The following NOS1AP variants were observed in gnomAD, a reference collection of about 807,000 sequenced individuals.
The protein encoded by NOS1AP is carboxyl-terminal PDZ ligand of neuronal nitric oxide synthase protein.
A neutral mutation model predicts 56.2 loss-of-function variants in NOS1AP; 21 were observed. The ratio of observed to expected loss-of-function variants is 0.37; its 90% CI spans 0.26 to 0.54. The LOEUF (loss-of-function observed/expected upper bound fraction) is 0.54. Ranked by LOEUF, NOS1AP falls within the 20% of genes least tolerant of loss-of-function variation. NOS1AP has a pLI of 0.84. For missense variants in NOS1AP, 522 were observed against 657.8 expected (o/e 0.79, Z 2.26); for synonymous variants, 270 against 274.6 (o/e 0.98, Z 0.17).
At chr1:162,081,774 A>ATTTTTTTTT (rs59767273) in intron 1 of NOS1AP, among the ~76,000 whole-genome samples, 34 of 44,044 alleles carry the variant, frequency 7.7e-4, no homozygotes, top group African/African-American at 2.5e-3. Flanking sequence ...ATATATATAT[A>ATTTTTTTTT]TTTTTTTTTT....
chr1:162,364,157 T>G, intron 8 of NOS1AP: 1 of 985,458 alleles, frequency 1.0e-6, no homozygotes, highest in Non-Finnish European at 1.2e-6. Context: ...ATTTGAGCAC[T>G]TGTTTTCTGA....
intron 4 of NOS1AP, among the ~76,000 whole-genome samples, chr1:162,325,539 G>A (rs1656557828): frequency 6.6e-6 from 1 of 151,956 alleles, no homozygotes; most frequent in Non-Finnish European, 1.5e-5. Context: ...TAACACATTG[G>A]GCCCCCCAGA....
At chr1:162,206,508 C>G (rs1652170082) in intron 2 of NOS1AP, among the ~76,000 whole-genome samples, 1 of 152,212 alleles carries the variant, frequency 6.6e-6, no homozygotes. Flanking sequence ...TAGAGACAGT[C>G]TGTCCTGAAA....
At chr1:162,330,501 C>T (rs527848620) in intron 4 of NOS1AP, among the ~76,000 whole-genome samples, 70 of 152,304 alleles carry the variant, frequency 4.6e-4, no homozygotes, top group Non-Finnish European at 8.8e-4. Context: ...CAAAGGTGTT[C>T]ACAGCAGTTG....
At chr1:162,285,276 G>A (rs1246193156) in intron 2 of NOS1AP, among the ~76,000 whole-genome samples, 1 of 152,152 alleles carries the variant, frequency 6.6e-6, no homozygotes, top group Non-Finnish European at 1.5e-5. Context: ...CAGCTGGAAG[G>A]TTGTGTTTAT....
Position 162,083,659 on chromosome 1 carries a change from C to T in NOS1AP, c.105+13377C>T, listed in dbSNP as rs185058075. ...GAAATTTTACCTTTCCTCAAAGTCA[C>T]GTAAATGCATTTTTTTCCTCCAGAT... On this transcript the variant is annotated intron_variant, in intron 1 of 9. Transcript: ENST00000361897. 6.3e-3 allele frequency among the ~76,000 whole-genome samples: 952 copies of T among 152,262 alleles called. 8 individuals carry two copies. The highest frequency in any genetic ancestry group is 8.2e-3 in the Non-Finnish European group (555 of 68,012).
intron 5 of NOS1AP, among the ~76,000 whole-genome samples, chr1:162,340,684 G>A (rs750891515): frequency 6.6e-6 from 1 of 152,158 alleles, no homozygotes; most frequent in Non-Finnish European, 1.5e-5. Context: ...GAAATGGGAG[G>A]CTGAAGGATG....
chr1:162,214,289 AT>A (rs1652471891), intron 2 of NOS1AP, among the ~76,000 whole-genome samples: 1 of 152,066 alleles, frequency 6.6e-6, no homozygotes, highest in African/African-American at 2.4e-5. Flanking sequence ...TCATTCATTC[AT>A]TCATTCAGTA....
chr1:162,084,165 C>T (rs769099649), intron 1 of NOS1AP, among the ~76,000 whole-genome samples: 12 of 152,156 alleles, frequency 7.9e-5, no homozygotes, highest in African/African-American at 2.4e-4. Flanking sequence ...CTGTCATCTT[C>T]GCGTTGGCTT....
At chr1:162,327,397 G>A (rs778832486) in intron 4 of NOS1AP, among the ~76,000 whole-genome samples, 6 of 152,158 alleles carry the variant, frequency 3.9e-5, no homozygotes, top group East Asian at 1.9e-4. Flanking sequence ...CATGAGGGAT[G>A]GAGAAGAAAC....
intron 1 of NOS1AP, among the ~76,000 whole-genome samples, chr1:162,099,286 C>G (rs189377169): frequency 4.6e-5 from 7 of 150,992 alleles, no homozygotes; most frequent in African/African-American, 1.7e-4. Context: ...CTCGCGGGTT[C>G]ACGCCATTCT....
intron 2 of NOS1AP, among the ~76,000 whole-genome samples, chr1:162,184,312 T>C (rs568398638): frequency 6.6e-6 from 1 of 152,280 alleles, no homozygotes; most frequent in South Asian, 2.1e-4. Context: ...TAATCACAAA[T>C]TATCATAACA....
intron 4 of NOS1AP, among the ~76,000 whole-genome samples, chr1:162,302,204 G>C (rs917331215): frequency 6.6e-6 from 1 of 152,124 alleles, no homozygotes; most frequent in African/African-American, 2.4e-5. Flanking sequence ...AGCCTGTTAG[G>C]CTCTTGAGGG....
At chr1:162,192,883 A>G (rs1045028543) in intron 2 of NOS1AP, among the ~76,000 whole-genome samples, 4 of 151,918 alleles carry the variant, frequency 2.6e-5, no homozygotes, top group Non-Finnish European at 2.9e-5. Flanking sequence ...CCCTTCCTTT[A>G]TAGAGACTAT....
chr1:162,077,463 A>G (rs979242960), intron 1 of NOS1AP, among the ~76,000 whole-genome samples: 6 of 152,008 alleles, frequency 3.9e-5, no homozygotes, highest in African/African-American at 1.5e-4. Context: ...CTTTTTTACT[A>G]TTGAGTTGTA....
intron 2 of NOS1AP, among the ~76,000 whole-genome samples, chr1:162,178,118 T>G (rs1651126080): frequency 6.6e-6 from 1 of 152,236 alleles, no homozygotes; most frequent in Admixed American, 6.5e-5. Flanking sequence ...CTTTTTAGAT[T>G]GGTTTCTTTC....
intron 2 of NOS1AP, among the ~76,000 whole-genome samples, chr1:162,193,286 A>T (rs1158256028): frequency 6.6e-6 from 1 of 152,142 alleles, no homozygotes; most frequent in Non-Finnish European, 1.5e-5. Flanking sequence ...CTTAAGGCAG[A>T]TTTCAGGGCT....
chr1:162,074,098 A>G lies in NOS1AP; in HGVS notation c.105+3816A>G, dbSNP rs576429546. 1.1e-4 allele frequency among the ~76,000 whole-genome samples: 16 copies of G among 152,350 alleles called. 1 individual carries two copies. In the South Asian group the frequency reaches 3.3e-3, roughly 32 times the overall value. ...TTTGATTTGCATTGGACTTCTACAT[A>G]CAAAGACTTTTCCTCTTATAGAGAC... is the stretch of plus-strand genomic sequence containing the variant. On this transcript the variant is annotated intron_variant, in intron 1 of 9. Coordinates refer to ENST00000361897, the MANE Select transcript of NOS1AP (RefSeq NM_014697.3).
chr1:162,220,793 T>C (rs1398193894), intron 2 of NOS1AP, among the ~76,000 whole-genome samples: 1 of 152,196 alleles, frequency 6.6e-6, no homozygotes. Context: ...TGTTTTTGCA[T>C]ACGCTCTTGG....
Sources: gnomAD v4.1 joint callset for allele counts (sites outside exome capture counted in the v4.1 genomes callset) on GRCh38, gnomAD v4.1.1 for gene constraint, MANE v1.5 for transcripts, NCBI Gene and HGNC (gene_info 2026-07-23, HGNC 2026-07-21) for gene names.